ELMO1: variants seen among roughly 807,000 people sequenced by gnomAD.
ELMO1 encodes the protein engulfment and cell motility 1, also known as engulfment and cell motility protein 1.
ELMO1 carries 26 observed loss-of-function variants against 98.9 expected under a neutral mutation model. The ratio of observed to expected loss-of-function variants is 0.26; its 90% CI spans 0.19 to 0.36. ELMO1 has a LOEUF of 0.36. Among genes scored for constraint, ELMO1 ranks in the 10% least tolerant of loss-of-function variants. ELMO1 has a pLI of 1.00. For missense variants in ELMO1, 627 were observed against 935.2 expected (o/e 0.67, Z 4.30); for synonymous variants, 346 against 346.0 (o/e 1.00, Z 0.00).
chr7:37,443,999 G>T (rs1197141277), intron 1 of ELMO1, among the ~76,000 whole-genome samples: 4 of 152,166 alleles, frequency 2.6e-5, no homozygotes, highest in Non-Finnish European at 2.9e-5. Flanking sequence ...CAGACTCCTG[G>T]ACTCAAGCCA....
At chr7:37,044,360 T>C (rs558993910) in intron 15 of ELMO1, among the ~76,000 whole-genome samples, 1 of 152,358 alleles carries the variant, frequency 6.6e-6, no homozygotes, top group Admixed American at 6.5e-5. Flanking sequence ...CTTCCTGCAC[T>C]AAGTACTTCA....
chr7:36,947,694 G>A (rs1040503967), intron 16 of ELMO1, among the ~76,000 whole-genome samples: 2 of 152,046 alleles, frequency 1.3e-5, no homozygotes, highest in Non-Finnish European at 2.9e-5. Flanking sequence ...TTTATACGAG[G>A]CCCTTCCTAA....
At chr7:37,154,366 C>T (rs1362001298) in intron 13 of ELMO1, among the ~76,000 whole-genome samples, 5 of 151,338 alleles carry the variant, frequency 3.3e-5, no homozygotes, top group Non-Finnish European at 7.4e-5. Context: ...ACAAACTTCT[C>T]CGAGCTAAAG....
At chr7:37,344,472 G>A (rs1444474754) in intron 1 of ELMO1, among the ~76,000 whole-genome samples, 1 of 152,226 alleles carries the variant, frequency 6.6e-6, no homozygotes, top group South Asian at 2.1e-4. Flanking sequence ...CCAGTCCCCT[G>A]CTGTGGGCCA....
chr7:37,235,503 C>CA (rs1031697508), intron 7 of ELMO1, among the ~76,000 whole-genome samples: 5 of 150,274 alleles, frequency 3.3e-5, no homozygotes, highest in East Asian at 3.9e-4. Context: ...CCTCAAATGT[C>CA]AAAAAAATTC....
intron 1 of ELMO1, among the ~76,000 whole-genome samples, chr7:37,409,801 T>A (rs1429121269): frequency 1.3e-5 from 2 of 152,316 alleles, no homozygotes; most frequent in Admixed American, 1.3e-4. Context: ...TGTCACAACA[T>A]TCCACTCAAG....
At chr7:37,027,193 TAAAAG>T (rs553188972) in intron 15 of ELMO1, among the ~76,000 whole-genome samples, 10 of 152,152 alleles carry the variant, frequency 6.6e-5, no homozygotes, top group Non-Finnish European at 1.2e-4. Flanking sequence ...GGTGTTCTCT[TAAAAG>T]AGAACAATGA....
intron 13 of ELMO1, among the ~76,000 whole-genome samples, chr7:37,194,067 GTC>G (rs1791820065): frequency 6.6e-6 from 1 of 152,164 alleles, no homozygotes; most frequent in Non-Finnish European, 1.5e-5. Flanking sequence ...GAAGACTGGA[GTC>G]CCATGTGTCA....
At chr7:37,307,390 C>G (rs911933069) in intron 4 of ELMO1, among the ~76,000 whole-genome samples, 2 of 152,182 alleles carry the variant, frequency 1.3e-5, no homozygotes, top group African/African-American at 4.8e-5. Flanking sequence ...CTCCTTGCTG[C>G]CTCCATGTGA....
At chr7:37,444,807 C>G (rs535116716) in intron 1 of ELMO1, among the ~76,000 whole-genome samples, 1 of 152,354 alleles carries the variant, frequency 6.6e-6, no homozygotes, top group Non-Finnish European at 1.5e-5. Context: ...AGCCACCGCG[C>G]CCGGCCAATA....
intron 1 of ELMO1, among the ~76,000 whole-genome samples, chr7:37,382,592 C>A (rs1238558367): frequency 6.6e-6 from 1 of 152,126 alleles, no homozygotes; most frequent in Non-Finnish European, 1.5e-5. Context: ...ACCTTATCAC[C>A]TGAGATGAGA....
At chr7:37,132,952 C>T (rs1584697252) in intron 14 of ELMO1, 178 bp downstream of exon 14, 1 of 413,298 alleles carries the variant, frequency 2.4e-6, no homozygotes, top group Non-Finnish European at 4.2e-6. Flanking sequence ...AGTTAAAATC[C>T]TCATTTCAGT....
intron 1 of ELMO1, among the ~76,000 whole-genome samples, chr7:37,441,530 AGGCACTGAACT>A (rs1805417319): frequency 6.6e-6 from 1 of 152,176 alleles, no homozygotes; most frequent in Non-Finnish European, 1.5e-5. Context: ...GCAAAGGAGG[AGGCACTGAACT>A]CACTTAACTC....
intron 14 of ELMO1, among the ~76,000 whole-genome samples, chr7:37,125,166 CTAAAACCAT>C (rs1268444395): frequency 6.6e-6 from 1 of 152,240 alleles, no homozygotes; most frequent in East Asian, 1.9e-4. Flanking sequence ...AATGTTAGAC[CTAAAACCAT>C]AAAAACCCTA....
At chr7:37,054,852 C>T (rs1796311382) in intron 15 of ELMO1, among the ~76,000 whole-genome samples, 1 of 152,188 alleles carries the variant, frequency 6.6e-6, no homozygotes, top group African/African-American at 2.4e-5. Context: ...CATTGAAAAC[C>T]TGTTATAAAA....
intron 15 of ELMO1, among the ~76,000 whole-genome samples, chr7:37,019,930 T>G (rs115337913): frequency 0.016 from 2,429 of 152,252 alleles, 78 homozygotes; most frequent in African/African-American, 0.056. Flanking sequence ...CATACATATT[T>G]TTAAAAATAA....
At chr7:37,307,623 T>A (rs1379245559) in intron 4 of ELMO1, among the ~76,000 whole-genome samples, 1 of 152,210 alleles carries the variant, frequency 6.6e-6, no homozygotes, top group East Asian at 1.9e-4. Flanking sequence ...CAAGAAGATA[T>A]CACTTTGGAA....
In ELMO1 at chr7:37,013,358, T is replaced by A. The variant is rs1793690812; in HGVS notation, c.1378A>T (p.Ile460Phe). ...RSFEEFFCIC[I>F]QLLNKTWKEM... is the part of the protein sequence containing the mutation. ...TTCCATGTCTTGTTCAGGAGCTGGA[T>A]ACAGATGCAGAAAAACTCCTCAAAG... The change falls in exon 16 of 22, where the codon ATC (isoleucine) becomes TTC (phenylalanine). Residue 460 changes from isoleucine to phenylalanine, a missense_variant. Coordinates refer to ENST00000310758, the MANE Select transcript of ELMO1 (RefSeq NM_014800.11). The A allele has an allele frequency of 6.2e-7, 1 of 1,614,110 alleles. No individual in the cohort carries two copies. The highest frequency in any genetic ancestry group is 8.5e-7 in the Non-Finnish European group (1 of 1,180,002).
chr7:37,163,693 T>C (rs1163701402), intron 13 of ELMO1, among the ~76,000 whole-genome samples: 2 of 152,246 alleles, frequency 1.3e-5, no homozygotes, highest in African/African-American at 4.8e-5. Context: ...CTGCATAGTA[T>C]TCCATGGTGT....
Sources: gnomAD v4.1 joint callset for allele counts (sites outside exome capture counted in the v4.1 genomes callset) on GRCh38, gnomAD v4.1.1 for gene constraint, MANE v1.5 for transcripts, NCBI Gene and HGNC (gene_info 2026-07-23, HGNC 2026-07-21) for gene names.